Variants in DSCAM observed in about 807,000 individuals in gnomAD.
DSCAM encodes the protein DS cell adhesion molecule, also known as cell adhesion molecule DSCAM.
A neutral mutation model predicts 217.7 loss-of-function variants in DSCAM; 47 were observed. That is an observed-to-expected ratio of 0.22 (90% CI 0.17 to 0.28). The LOEUF (loss-of-function observed/expected upper bound fraction) is 0.28. Among genes scored for constraint, DSCAM ranks in the 10% least tolerant of loss-of-function variants. DSCAM has a pLI of 1.00. For synonymous variants in DSCAM, 1,056 were observed against 1,015.3 expected, an observed-to-expected ratio of 1.04 and a Z score of -0.76; for missense variants, 2,080 against 2,618.3, an observed-to-expected ratio of 0.79 and a Z score of 4.49.
intron 32 of DSCAM, among the ~76,000 whole-genome samples, chr21:40,028,149 G>T (rs938316900): frequency 3.4e-5 from 3 of 89,454 alleles, no homozygotes; most frequent in African/African-American, 1.4e-4. Context: ...GCCCCTGCTG[G>T]GGGGTGCCTC....
chr21:40,740,749 G>A (rs1318455013), intron 1 of DSCAM, among the ~76,000 whole-genome samples: 2 of 152,206 alleles, frequency 1.3e-5, no homozygotes, highest in African/African-American at 4.8e-5. Context: ...GAAGGACAGG[G>A]AGGATGGCAA....
At chr21:40,767,888 TTC>T (rs1555887123) in intron 1 of DSCAM, among the ~76,000 whole-genome samples, 1 of 150,970 alleles carries the variant, frequency 6.6e-6, no homozygotes, top group Non-Finnish European at 1.5e-5. Flanking sequence ...TTTTCTCTCT[TTC>T]TCTCTCTCCC....
rs550247672 is a variant in DSCAM, at chr21:40,503,593, G to A, written c.509-134348C>T. ...GATGCCAACTTCACGCTGCACATCC[G>A]CTGATTTTCAGTGGGTTACCTTACC... On this transcript the variant is annotated intron_variant, in intron 3 of 32. Transcript: ENST00000400454. 5.0e-4 allele frequency among the ~76,000 whole-genome samples: 76 copies of A among 152,258 alleles called. 2 individuals carry two copies. In the East Asian group the frequency reaches 0.013, roughly 25 times the overall value.
At chr21:40,307,247 A>C (rs2074088456) in intron 9 of DSCAM, among the ~76,000 whole-genome samples, 2 of 150,064 alleles carry the variant, frequency 1.3e-5, no homozygotes, top group East Asian at 2.0e-4. Context: ...GAAAAAAAAA[A>C]CAACCCCATC....
chr21:40,552,859 C>T (rs1286704841), intron 3 of DSCAM, among the ~76,000 whole-genome samples: 1 of 152,152 alleles, frequency 6.6e-6, no homozygotes, highest in Non-Finnish European at 1.5e-5. Context: ...TTTCATTTCA[C>T]CCAATATAAT....
chr21:40,673,853 G>A lies in DSCAM; in HGVS notation c.508+18957C>T, dbSNP rs142675961. On this transcript the variant is annotated intron_variant, in intron 3 of 32. Transcript: ENST00000400454. ...GAGGCCTCCCCAGAAGCAGCTGCTG[G>A]CACCATGCTTCCTCTATAGCCTGCA... 5.9e-5 allele frequency among the ~76,000 whole-genome samples: 9 copies of A among 152,198 alleles called. No individual in the cohort carries two copies. The East Asian group carries it at 1.7e-3, about 29-fold the overall frequency.
At chr21:40,670,226 A>G (rs9983505) in intron 3 of DSCAM, among the ~76,000 whole-genome samples, 92,627 of 152,100 alleles carry the variant, frequency 0.61, 28,616 homozygotes, top group African/African-American at 0.67. Context: ...AGGACAGTTC[A>G]GTATTGTTAA....
rs564968329 is a variant in DSCAM, at chr21:40,704,543, C to A, written c.361+3911G>T. Among the ~76,000 whole-genome samples the A allele has an allele frequency of 2.6e-5, 4 of 151,592 alleles. No homozygotes were observed. The South Asian group carries it at 6.3e-4, about 24-fold the overall frequency. On this transcript the variant is annotated intron_variant, in intron 2 of 32. Coordinates refer to ENST00000400454, the MANE Select transcript of DSCAM (RefSeq NM_001389.5). ...CGGCCTGGGTAACATAGTGAGAATA[C>A]CCTCTACAAAATTTTTTTTTTTAAA...
At chr21:40,809,866 G>A (rs2123537206) in intron 1 of DSCAM, among the ~76,000 whole-genome samples, 1 of 152,310 alleles carries the variant, frequency 6.6e-6, no homozygotes, top group Non-Finnish European at 1.5e-5. Context: ...ACAAGCACTA[G>A]GAAAAGGGCG....
chr21:40,337,782 T>C (rs2074443156), intron 8 of DSCAM, among the ~76,000 whole-genome samples: 1 of 152,214 alleles, frequency 6.6e-6, no homozygotes, highest in African/African-American at 2.4e-5. Context: ...AGGTTATTTA[T>C]TTAAAAATTA....
At chr21:40,833,331 C>T (rs534682796) in intron 1 of DSCAM, among the ~76,000 whole-genome samples, 1 of 152,258 alleles carries the variant, frequency 6.6e-6, no homozygotes, top group African/African-American at 2.4e-5. Flanking sequence ...TCCCCTCTCC[C>T]TTTTACCAGG....
At chr21:40,518,372 A>AT (rs2076320770) in intron 3 of DSCAM, among the ~76,000 whole-genome samples, 1 of 33,110 alleles carries the variant, frequency 3.0e-5, no homozygotes, top group Non-Finnish European at 4.5e-5. Context: ...TATATATATA[A>AT]TATATATATA....
At chr21:40,585,179 C>CTTT (rs11304632) in intron 3 of DSCAM, among the ~76,000 whole-genome samples, 8 of 145,936 alleles carry the variant, frequency 5.5e-5, no homozygotes, top group Middle Eastern at 3.6e-3. Flanking sequence ...AAATCAACTT[C>CTTT]TTTTTTTTTT....
At chr21:40,666,140 A>T (rs545433262) in intron 3 of DSCAM, among the ~76,000 whole-genome samples, 9 of 152,280 alleles carry the variant, frequency 5.9e-5, no homozygotes, top group Admixed American at 2.6e-4. Flanking sequence ...CATGCCAGGA[A>T]GGGAGAAAGA....
chr21:40,429,274 T>A (rs1326496184), intron 3 of DSCAM, among the ~76,000 whole-genome samples: 2 of 152,062 alleles, frequency 1.3e-5, no homozygotes, highest in African/African-American at 2.4e-5. Flanking sequence ...TTTGTGCTTT[T>A]TTTTTTTTGG....
At chr21:40,386,060 T>C (rs556338193) in intron 3 of DSCAM, among the ~76,000 whole-genome samples, 2 of 152,320 alleles carry the variant, frequency 1.3e-5, no homozygotes, top group Admixed American at 1.3e-4. Flanking sequence ...TCAAGATTAG[T>C]GTACATTTGT....
At chr21:40,039,225 G>A (rs1288011468) in intron 32 of DSCAM, among the ~76,000 whole-genome samples, 1 of 151,520 alleles carries the variant, frequency 6.6e-6, no homozygotes, top group East Asian at 1.9e-4. Flanking sequence ...TCTAACAGGG[G>A]AAACGTGTCA....
intron 11 of DSCAM, among the ~76,000 whole-genome samples, chr21:40,273,291 G>T (rs967418211): frequency 6.6e-6 from 1 of 152,006 alleles, no homozygotes; most frequent in Non-Finnish European, 1.5e-5. Flanking sequence ...TATTTTCTAG[G>T]CCTAGAGAGA....
intron 3 of DSCAM, among the ~76,000 whole-genome samples, chr21:40,467,930 C>CACAAA (rs775510376): frequency 5.5e-4 from 46 of 84,382 alleles, no homozygotes; most frequent in Middle Eastern, 7.9e-3. Flanking sequence ...AAAGATTAAC[C>CACAAA]AAAAAAAAAA....
Sources: gnomAD v4.1 joint callset for allele counts (sites outside exome capture counted in the v4.1 genomes callset) on GRCh38, gnomAD v4.1.1 for gene constraint, MANE v1.5 for transcripts, NCBI Gene and HGNC (gene_info 2026-07-23, HGNC 2026-07-21) for gene names.